CPXM2: variants seen among roughly 807,000 people sequenced by gnomAD.
CPXM2 encodes the protein carboxypeptidase X, M14 family member 2, also known as inactive carboxypeptidase-like protein X2.
A neutral mutation model predicts 86.1 loss-of-function variants in CPXM2; 66 were observed. The ratio of observed to expected loss-of-function variants is 0.77; its 90% CI spans 0.63 to 0.94. The LOEUF (loss-of-function observed/expected upper bound fraction) is 0.94, where lower values mean the gene tolerates loss of function less well. CPXM2 is among the 40% of genes least tolerant of loss of function. The pLI, the probability that CPXM2 is intolerant of heterozygous loss-of-function variation, is 0.00. For synonymous variants in CPXM2, 388 were observed against 400.2 expected, an observed-to-expected ratio of 0.97 and a Z score of 0.36; for missense variants, 948 against 1,026.3, an observed-to-expected ratio of 0.92 and a Z score of 1.04.
At chr10:123,894,878 C>T (rs138860782), upstream of CPXM2, among the ~76,000 whole-genome samples, 204 of 152,250 alleles carry the variant, frequency 1.3e-3, no homozygotes, top group African/African-American at 4.5e-3. Flanking sequence ...CAGCAGGTCT[C>T]GCTGTTTGGG....
chr10:123,926,133 T>C (rs9794791), intron 2 of CPXM2, among the ~76,000 whole-genome samples: 39,997 of 152,184 alleles, frequency 0.26, 5,486 homozygotes, highest in Middle Eastern at 0.33. Context: ...CCAAAGCATC[T>C]GTGCCATGTC....
chr10:123,796,617 C>T (rs1054812570), intron 6 of CPXM2, among the ~76,000 whole-genome samples: 17 of 152,112 alleles, frequency 1.1e-4, no homozygotes, highest in African/African-American at 3.4e-4. Flanking sequence ...ATGAATACTA[C>T]GGGATTGAGA....
At chr10:123,835,004 G>A (rs1272945079) in intron 4 of CPXM2, among the ~76,000 whole-genome samples, 1 of 152,188 alleles carries the variant, frequency 6.6e-6, no homozygotes, top group African/African-American at 2.4e-5. Flanking sequence ...AGATGCAGAT[G>A]CAGGCACCAT....
At chr10:123,917,749 C>T (rs1203014969) in intron 2 of CPXM2, among the ~76,000 whole-genome samples, 1 of 152,210 alleles carries the variant, frequency 6.6e-6, no homozygotes, top group African/African-American at 2.4e-5. Context: ...CTCATTTATA[C>T]CTCTCAGCCA....
intron 3 of CPXM2, among the ~76,000 whole-genome samples, chr10:123,846,989 T>C (rs1010736954): frequency 1.3e-5 from 2 of 152,202 alleles, no homozygotes; most frequent in Non-Finnish European, 2.9e-5. Flanking sequence ...AGTAAATATT[T>C]CCTGACTCAA....
chr10:123,852,671 G>A (rs1344745448), intron 3 of CPXM2, among the ~76,000 whole-genome samples: 1 of 152,148 alleles, frequency 6.6e-6, no homozygotes, highest in Non-Finnish European at 1.5e-5. Flanking sequence ...TCTGGCTCAT[G>A]TCTTCTCCCC....
chr10:123,937,480 C>T (rs201689831), intron 2 of CPXM2, among the ~76,000 whole-genome samples: 2,812 of 99,268 alleles, frequency 0.028, 62 homozygotes, highest in East Asian at 0.19. Flanking sequence ...AACACACACA[C>T]ACACACACAC....
intron 6 of CPXM2, among the ~76,000 whole-genome samples, chr10:123,782,592 T>C (rs994720936): frequency 1.3e-5 from 2 of 152,204 alleles, no homozygotes; most frequent in East Asian, 3.8e-4. Context: ...CAAAGTTTTA[T>C]TGAGACCCTC....
chr10:123,809,344 T>C (rs1232798427), intron 4 of CPXM2, among the ~76,000 whole-genome samples: 1 of 152,128 alleles, frequency 6.6e-6, no homozygotes, highest in South Asian at 2.1e-4. Flanking sequence ...CTAAGATCTA[T>C]AGTAAGAACC....
intron 10 of CPXM2, among the ~76,000 whole-genome samples, chr10:123,766,627 TA>T (rs1442485753): frequency 1.3e-5 from 2 of 152,198 alleles, no homozygotes; most frequent in Non-Finnish European, 2.9e-5. Flanking sequence ...TAAGATACAT[TA>T]AGCAATCAGT....
At chr10:123,800,457 C>G (rs1488029873) in intron 4 of CPXM2, among the ~76,000 whole-genome samples, 4 of 152,152 alleles carry the variant, frequency 2.6e-5, no homozygotes, top group Admixed American at 1.3e-4. Context: ...GGCAACAGCT[C>G]CTTCCTTTGC....
intron 2 of CPXM2, among the ~76,000 whole-genome samples, chr10:123,902,802 C>T (rs760786602): frequency 1.5e-4 from 23 of 152,142 alleles, no homozygotes; most frequent in Non-Finnish European, 3.2e-4. Context: ...ACATTCAGAC[C>T]GCGACACAGA....
intron 3 of CPXM2, among the ~76,000 whole-genome samples, chr10:123,850,361 T>A (rs1848575010): frequency 6.6e-6 from 1 of 152,214 alleles, no homozygotes. Flanking sequence ...TCTCTTTCCA[T>A]GGTTTCAGTT....
chr10:123,796,712 T>C (rs1356521091), intron 6 of CPXM2, among the ~76,000 whole-genome samples: 1 of 152,176 alleles, frequency 6.6e-6, no homozygotes, highest in African/African-American at 2.4e-5. Flanking sequence ...AGAAATAGCA[T>C]CAGAGCTGGT....
chr10:123,762,205 G>A (rs10751743), intron 10 of CPXM2, 36 bp from the exon 11 acceptor site: 1,400,970 of 1,613,762 alleles, frequency 0.87, 609,213 homozygotes, highest in Admixed American at 0.9. Context: ...AAAATAAGCA[G>A]GAAGTCATTT....
intron 7 of CPXM2, among the ~76,000 whole-genome samples, chr10:123,776,243 G>C (rs1372933849): frequency 6.6e-6 from 1 of 152,138 alleles, no homozygotes; most frequent in Admixed American, 6.5e-5. Flanking sequence ...AGTCTGAAAA[G>C]TCTCCCTAGG....
In CPXM2 at chr10:123,798,085, A is replaced by G. The variant is rs952748965; in HGVS notation, c.780T>C (p.Asn260=). 6 of 1,610,852 alleles carry G rather than the reference A, an allele frequency of 3.7e-6. No homozygotes were observed. In the African/African-American group the frequency reaches 8.0e-5, roughly 22 times the overall value. The change falls in exon 6 of 14, where the codon AAT becomes AAC. Residue 260 remains asparagine (N), a synonymous_variant. Transcript: ENST00000241305. ...GNSEKEIPVL[N]ELPVPMVARY... is the part of the protein sequence containing the mutation. ...GGGCCACCATGGGGACGGGTAGCTCATTGAGAACAGGGATCTCCTTCTCAC... is the reference window on the plus strand; with the variant it reads ...GGGCCACCATGGGGACGGGTAGCTCGTTGAGAACAGGGATCTCCTTCTCAC...
intron 4 of CPXM2, among the ~76,000 whole-genome samples, chr10:123,834,530 T>C (rs1848239095): frequency 6.6e-6 from 1 of 152,092 alleles, no homozygotes; most frequent in African/African-American, 2.4e-5. Flanking sequence ...GCAGAGGAAA[T>C]GGCAAAGTGC....
At chr10:123,844,802 C>A (rs918347315) in intron 3 of CPXM2, among the ~76,000 whole-genome samples, 6 of 152,136 alleles carry the variant, frequency 3.9e-5, no homozygotes, top group Admixed American at 3.9e-4. Context: ...CAATAAGAAG[C>A]AAGCCACACA....
Sources: gnomAD v4.1 joint callset for allele counts (sites outside exome capture counted in the v4.1 genomes callset) on GRCh38, gnomAD v4.1.1 for gene constraint, MANE v1.5 for transcripts, NCBI Gene and HGNC (gene_info 2026-07-23, HGNC 2026-07-21) for gene names.